The following TULP4 variants were observed in gnomAD, a reference collection of about 807,000 sequenced individuals.
TULP4 encodes the protein tubby-related protein 4.
TULP4 carries 16 observed loss-of-function variants against 129.0 expected under a neutral mutation model. That is an observed-to-expected ratio of 0.12 (90% CI 0.08 to 0.19). The LOEUF is 0.19. TULP4 is among the 10% of genes least tolerant of loss of function. The pLI is 1.00. For missense variants in TULP4, 1,842 were observed against 2,059.1 expected (o/e 0.89, Z 2.04); for synonymous variants, 998 against 854.0 (o/e 1.17, Z -2.94).
chr6:158,502,383 T>C lies in TULP4; in HGVS notation c.2720T>C (p.Met907Thr), dbSNP rs777879338. 2.5e-6 allele frequency: 4 copies of C among 1,613,732 alleles called. No homozygotes were observed. The South Asian group carries it at 4.4e-5, about 18-fold the overall frequency. ...GAGGTGTGCCGGCCCCGCACCCGGA[T>C]GCTGTGCTCCCAGAACACGTACACC... ...VEEVCRPRTRMLCSQNTYTLP... is the reference protein window; with the variant it reads ...VEEVCRPRTRTLCSQNTYTLP... The change falls in exon 13 of 14, where the codon ATG becomes ACG. Residue 907 changes from methionine (M) to threonine (T), a missense_variant. Physicochemically the swap from Met to Thr is moderately conservative, Grantham distance 81 (BLOSUM62 -1). This residue lies in a region of TULP4 where 1,089 missense variants were observed against 987.1 expected (regional missense o/e 1.10). Transcript: ENST00000367097.
At chr6:158,240,043 T>C (rs1203027049) in intron 1 of TULP4, among the ~76,000 whole-genome samples, 18 of 91,306 alleles carry the variant, frequency 2.0e-4, no homozygotes, top group South Asian at 4.5e-4. Flanking sequence ...GGCGGGGGGC[T>C]GACCCCCCCA....
intron 4 of TULP4, among the ~76,000 whole-genome samples, chr6:158,449,854 G>A (rs1054132604): frequency 2.6e-5 from 4 of 151,910 alleles, no homozygotes; most frequent in Admixed American, 2.6e-4. Flanking sequence ...CTCTTCACCA[G>A]CATCCCATCC....
Position 158,502,964 on chromosome 6 carries a change from G to A in TULP4, c.3301G>A (p.Glu1101Lys), listed in dbSNP as rs758497948. ...DEALSQHCQL[E>K]KPLRHPPLPE... is the part of the protein sequence containing the mutation. Reference sequence around the variant, plus strand: ...GGCCCTGTCCCAGCACTGTCAGCTTGAGAAGCCCTTGAGGCACCCTCCCCT... The same window carrying A: ...GGCCCTGTCCCAGCACTGTCAGCTTAAGAAGCCCTTGAGGCACCCTCCCCT... The change falls in exon 13 of 14, where the codon GAG becomes AAG. Residue 1101 changes from glutamate (E) to lysine (K), a missense_variant. This residue lies in a region of TULP4 where 1,089 missense variants were observed against 987.1 expected (regional missense o/e 1.10). Transcript: ENST00000367097. 26 of 1,613,906 alleles carry A rather than the reference G, an allele frequency of 1.6e-5. No individual in the cohort carries two copies. The highest frequency in any genetic ancestry group is 2.1e-5 in the Non-Finnish European group (25 of 1,179,962).
chr6:158,260,434 G>A (rs1778330341), intron 1 of TULP4, among the ~76,000 whole-genome samples: 1 of 152,096 alleles, frequency 6.6e-6, no homozygotes, highest in Non-Finnish European at 1.5e-5. Flanking sequence ...AAATTAGCTG[G>A]GCGAGGTGGT....
chr6:158,443,184 G>A (rs965783182), intron 3 of TULP4, among the ~76,000 whole-genome samples: 3 of 152,036 alleles, frequency 2.0e-5, no homozygotes, highest in Non-Finnish European at 2.9e-5. Context: ...GGTTTTCACC[G>A]TGTTGGTCAG....
At chr6:158,244,486 A>G (rs1777988807) in intron 1 of TULP4, among the ~76,000 whole-genome samples, 1 of 152,114 alleles carries the variant, frequency 6.6e-6, no homozygotes, top group Non-Finnish European at 1.5e-5. Flanking sequence ...GTAGGAGGTA[A>G]TTAAGGTTAG....
chr6:158,273,356 G>A (rs1014942603), intron 1 of TULP4, among the ~76,000 whole-genome samples: 10 of 146,060 alleles, frequency 6.8e-5, no homozygotes, highest in Non-Finnish European at 1.4e-4. Context: ...TACCTGACGT[G>A]GGGTTCCACA....
chr6:158,435,062 T>G (rs341114), intron 3 of TULP4, among the ~76,000 whole-genome samples: 24,923 of 152,238 alleles, frequency 0.16, 2,657 homozygotes, highest in Middle Eastern at 0.24. Flanking sequence ...TGTCCCTGTG[T>G]CATCTCTGAT....
At chr6:158,478,771 C>G (rs1250717043) in intron 6 of TULP4, among the ~76,000 whole-genome samples, 2 of 152,184 alleles carry the variant, frequency 1.3e-5, no homozygotes, top group African/African-American at 2.4e-5. Flanking sequence ...CTTTCTTTCT[C>G]CCTTGGCTAG....
upstream of TULP4, among the ~76,000 whole-genome samples, chr6:158,308,927 C>A (rs1379035882): frequency 7.9e-6 from 1 of 126,082 alleles, no homozygotes; most frequent in East Asian, 2.5e-4. Context: ...GCTGGCCGGG[C>A]GGGGGGCTGA....
chr6:158,247,246 G>C (rs1220885807), intron 1 of TULP4, among the ~76,000 whole-genome samples: 2 of 152,182 alleles, frequency 1.3e-5, no homozygotes, highest in East Asian at 3.9e-4. Context: ...TAAAGTGCTT[G>C]TAGAGTCTAA....
At chr6:158,354,283 T>G (rs1159550899) in intron 1 of TULP4, among the ~76,000 whole-genome samples, 1 of 152,182 alleles carries the variant, frequency 6.6e-6, no homozygotes, top group Non-Finnish European at 1.5e-5. Context: ...AATATATGAA[T>G]AGCCTTTATG....
At chr6:158,383,151 A>G (rs1198265560) in intron 1 of TULP4, among the ~76,000 whole-genome samples, 3 of 152,166 alleles carry the variant, frequency 2.0e-5, no homozygotes, top group Non-Finnish European at 4.4e-5. Context: ...TCAAAGTCCC[A>G]TGGCCATTAA....
intron 1 of TULP4, among the ~76,000 whole-genome samples, chr6:158,359,002 G>C (rs1452533024): frequency 6.6e-6 from 1 of 152,144 alleles, no homozygotes; most frequent in African/African-American, 2.4e-5. Flanking sequence ...CCTGGGCAGT[G>C]GTCAGCCATG....
chr6:158,360,136 A>G (rs1034203486), intron 1 of TULP4, among the ~76,000 whole-genome samples: 2 of 152,088 alleles, frequency 1.3e-5, no homozygotes, highest in African/African-American at 4.8e-5. Flanking sequence ...GAAAAAAAAA[A>G]AGTGAGGCTA....
intron 1 of TULP4, among the ~76,000 whole-genome samples, chr6:158,318,045 A>C (rs1779531281): frequency 6.6e-6 from 1 of 152,146 alleles, no homozygotes; most frequent in Non-Finnish European, 1.5e-5. Context: ...TTCTTTGTAG[A>C]TTCTGGATAT....
At chr6:158,353,944 C>T (rs1248201280) in intron 1 of TULP4, among the ~76,000 whole-genome samples, 3 of 152,262 alleles carry the variant, frequency 2.0e-5, no homozygotes, top group East Asian at 3.8e-4. Flanking sequence ...TGTCTGAGAA[C>T]AGCATCTTCT....
intron 1 of TULP4, among the ~76,000 whole-genome samples, chr6:158,387,877 C>T (rs748515075): frequency 3.9e-5 from 6 of 152,138 alleles, no homozygotes; most frequent in Non-Finnish European, 2.9e-5. Context: ...TTTTACATTT[C>T]CTCTCTTAAT....
chr6:158,375,187 G>A (rs1242997564), intron 1 of TULP4, among the ~76,000 whole-genome samples: 1 of 152,156 alleles, frequency 6.6e-6, no homozygotes, highest in Non-Finnish European at 1.5e-5. Flanking sequence ...AGGTTGCAGT[G>A]AACCGAGATC....
Sources: allele counts gnomAD v4.1 joint callset (sites outside exome capture counted in the v4.1 genomes callset), GRCh38; gene constraint gnomAD v4.1.1; regional missense constraint gnomAD v4.1.1; transcripts MANE v1.5; gene names NCBI Gene and HGNC (gene_info 2026-07-23, HGNC 2026-07-21).